Variants in MED13L observed in about 807,000 individuals in gnomAD.
MED13L encodes mediator of RNA polymerase II transcription subunit 13-like.
A neutral mutation model predicts 220.9 loss-of-function variants in MED13L; 7 were observed. That is an observed-to-expected ratio of 0.03 (90% CI 0.02 to 0.06). MED13L has a LOEUF of 0.06. Ranked by LOEUF, MED13L falls within the 10% of genes least tolerant of loss-of-function variation. MED13L has a pLI of 1.00. For missense variants in MED13L, 1,965 were observed against 2,760.5 expected, an observed-to-expected ratio of 0.71 and a Z score of 6.46; for synonymous variants, 1,011 against 1,015.2, an observed-to-expected ratio of 1.00 and a Z score of 0.08.
At chr12:116,253,210 T>G (rs1871717590) in intron 1 of MED13L, among the ~76,000 whole-genome samples, 1 of 148,446 alleles carries the variant, frequency 6.7e-6, no homozygotes. Flanking sequence ...GGGCGGAGGT[T>G]GCACTAAGCC....
At chr12:116,161,654 C>CTA (rs1878863491) in intron 2 of MED13L, among the ~76,000 whole-genome samples, 1 of 152,264 alleles carries the variant, frequency 6.6e-6, no homozygotes, top group Admixed American at 6.5e-5. Context: ...GCAAAAGTTA[C>CTA]TATGGATTAA....
chr12:116,124,949 A>G (rs1289446049), intron 2 of MED13L, among the ~76,000 whole-genome samples: 1 of 152,242 alleles, frequency 6.6e-6, no homozygotes, highest in East Asian at 1.9e-4. Context: ...TTAAACCAAA[A>G]TATTGGAAAA....
At chr12:116,273,627 T>C (rs1230020477) in intron 1 of MED13L, among the ~76,000 whole-genome samples, 3 of 152,174 alleles carry the variant, frequency 2.0e-5, no homozygotes, top group Non-Finnish European at 2.9e-5. Flanking sequence ...TGGTCTTCAA[T>C]AGGAATTATG....
chr12:115,969,114 A>G lies in MED13L; in HGVS notation c.6068-17T>C, dbSNP rs370925505. The stretch of plus-strand genomic sequence containing the variant: ...ACATATCATCTAGAGGGAAGGGGGG[A>G]AAAAAAGCACAAAAATTAAAAAGAT... On this transcript the variant is annotated splice_polypyrimidine_tract_variant and intron_variant, in intron 27 of 30. Coordinates refer to ENST00000281928, the MANE Select transcript of MED13L (RefSeq NM_015335.5). 2.7e-5 allele frequency: 43 copies of G among 1,608,320 alleles called. No homozygotes were observed. Among genetic ancestry groups the G allele is most frequent in the South Asian group, 1.9e-4 (17 of 90,780 alleles).
chr12:116,080,482 C>A (rs958694186), intron 4 of MED13L, among the ~76,000 whole-genome samples: 4 of 152,072 alleles, frequency 2.6e-5, no homozygotes, highest in Non-Finnish European at 4.4e-5. Flanking sequence ...AAACCATGTA[C>A]CAAAGCACCC....
intron 2 of MED13L, among the ~76,000 whole-genome samples, chr12:116,135,296 C>G (rs1565894285): frequency 6.6e-6 from 1 of 152,180 alleles, no homozygotes; most frequent in African/African-American, 2.4e-5. Context: ...ATAAATCTAA[C>G]TCCTCTGAGG....
At chr12:115,981,623 AAAATGACCTG>A (rs1445391613) in intron 22 of MED13L, among the ~76,000 whole-genome samples, 1 of 152,222 alleles carries the variant, frequency 6.6e-6, no homozygotes, top group Non-Finnish European at 1.5e-5. Flanking sequence ...ATCCATGTTA[AAAATGACCTG>A]AAATGTGAAA....
At chr12:116,050,474 G>A (rs1051139596) in intron 4 of MED13L, among the ~76,000 whole-genome samples, 2 of 152,068 alleles carry the variant, frequency 1.3e-5, no homozygotes, top group African/African-American at 4.8e-5. Context: ...ACCAGTGGCA[G>A]GAAGCCAAGT....
At chr12:116,188,033 T>C (rs570771379) in intron 2 of MED13L, among the ~76,000 whole-genome samples, 19 of 152,138 alleles carry the variant, frequency 1.2e-4, no homozygotes, top group Non-Finnish European at 2.6e-4. Context: ...ACTCATTCAT[T>C]GGATTTATTT....
intron 1 of MED13L, among the ~76,000 whole-genome samples, chr12:116,273,878 T>C (rs539924085): frequency 3.3e-5 from 5 of 152,354 alleles, no homozygotes; most frequent in Admixed American, 1.3e-4. Context: ...CCAGAAATTA[T>C]GTCTTCTCAC....
chr12:115,975,410 A>G (rs1025557326), intron 24 of MED13L, 97 bp from the exon 25 acceptor site: 9 of 1,598,952 alleles, frequency 5.6e-6, no homozygotes, highest in East Asian at 4.5e-5. Flanking sequence ...CAAAGAACCT[A>G]TCCATGCTGT....
At chr12:115,990,114 T>C (rs1877959445) in intron 17 of MED13L, among the ~76,000 whole-genome samples, 1 of 152,152 alleles carries the variant, frequency 6.6e-6, no homozygotes, top group South Asian at 2.1e-4. Flanking sequence ...CCAAGCTCCA[T>C]ACAACCAAGG....
chr12:115,968,663 T>A (rs1876367440), intron 28 of MED13L, among the ~76,000 whole-genome samples: 1 of 152,142 alleles, frequency 6.6e-6, no homozygotes, highest in East Asian at 1.9e-4. Flanking sequence ...TAGAACTAAT[T>A]TTTGCTAAGA....
intron 2 of MED13L, among the ~76,000 whole-genome samples, chr12:116,132,135 G>A (rs1194757105): frequency 6.6e-6 from 1 of 151,898 alleles, no homozygotes; most frequent in Non-Finnish European, 1.5e-5. Flanking sequence ...AAAAAAATTA[G>A]CAGGTCATGA....
At chr12:115,972,283 T>C (rs1876639159) in intron 25 of MED13L, 47 bp from the exon 26 acceptor site, 8 of 1,602,588 alleles carry the variant, frequency 5.0e-6, no homozygotes, top group African/African-American at 1.3e-5. Context: ...AAATTCATAC[T>C]GATGGGAGAT....
intron 2 of MED13L, among the ~76,000 whole-genome samples, chr12:116,131,863 C>G (rs2138006383): frequency 6.6e-6 from 1 of 152,206 alleles, no homozygotes; most frequent in South Asian, 2.1e-4. Flanking sequence ...CGCCTGTAGT[C>G]TCAGCTTACT....
chr12:116,106,697 T>C (rs1407171417), intron 3 of MED13L, among the ~76,000 whole-genome samples: 1 of 151,790 alleles, frequency 6.6e-6, no homozygotes, highest in African/African-American at 2.4e-5. Context: ...AATACAAAAA[T>C]TAGCCAGGTG....
At chr12:116,138,044 C>G (rs1195990177) in intron 2 of MED13L, among the ~76,000 whole-genome samples, 2 of 151,848 alleles carry the variant, frequency 1.3e-5, no homozygotes, top group Non-Finnish European at 2.9e-5. Context: ...TTAGTAGAGA[C>G]AGGGTTTTAC....
intron 2 of MED13L, among the ~76,000 whole-genome samples, chr12:116,214,606 T>G (rs1882892106): frequency 6.6e-6 from 1 of 152,158 alleles, no homozygotes; most frequent in Non-Finnish European, 1.5e-5. Flanking sequence ...ACCAGCAATG[T>G]CTAAGGAAAA....
Sources: allele counts gnomAD v4.1 joint callset (sites outside exome capture counted in the v4.1 genomes callset), GRCh38; gene constraint gnomAD v4.1.1; transcripts MANE v1.5; gene names NCBI Gene and HGNC (gene_info 2026-07-23, HGNC 2026-07-21).